Variants in OSBPL2 observed in about 807,000 individuals in gnomAD.
The protein encoded by OSBPL2 is oxysterol binding protein like 2.
Under a neutral mutation model 58.4 loss-of-function variants are expected in OSBPL2, and 18 were observed. That is an observed-to-expected ratio of 0.31 (90% CI 0.21 to 0.46). The LOEUF (loss-of-function observed/expected upper bound fraction) is 0.46. Among genes scored for constraint, OSBPL2 ranks in the 20% least tolerant of loss-of-function variants. The probability of loss-of-function intolerance (pLI) is 1.00; values close to 1 mark genes in which losing one functional copy is unlikely to be tolerated. For missense variants in OSBPL2, 461 were observed against 616.5 expected, an observed-to-expected ratio of 0.75 and a Z score of 2.67; for synonymous variants, 221 against 234.1, an observed-to-expected ratio of 0.94 and a Z score of 0.51.
chr20:62,266,452 C>A (rs1211127567), intron 4 of OSBPL2, among the ~76,000 whole-genome samples: 1 of 152,242 alleles, frequency 6.6e-6, no homozygotes. Context: ...GTGGTGAGCT[C>A]ATGTCCCCAT....
intron 13 of OSBPL2, 63 bp from the exon 14 acceptor site, chr20:62,293,722 A>G: frequency 6.7e-7 from 1 of 1,490,354 alleles, no homozygotes; most frequent in South Asian, 1.2e-5. Context: ...CTGCACCCAG[A>G]ACAGGGCTGC....
intron 12 of OSBPL2, 130 bp downstream of exon 12, chr20:62,289,460 C>G (rs867577733): frequency 1.8e-6 from 2 of 1,109,912 alleles, no homozygotes; most frequent in African/African-American, 1.6e-5. Context: ...TCTCCCTAAA[C>G]AAACAGGCAG....
chr20:62,266,708 A>G (rs537166231), intron 4 of OSBPL2, among the ~76,000 whole-genome samples: 1 of 152,332 alleles, frequency 6.6e-6, no homozygotes, highest in Non-Finnish European at 1.5e-5. Flanking sequence ...CAAATTCCAG[A>G]CATCTTTTGT....
At chr20:62,260,199 C>A in intron 3 of OSBPL2, 74 bp downstream of exon 3, 1 of 1,442,804 alleles carries the variant, frequency 6.9e-7, no homozygotes, top group South Asian at 1.3e-5. Context: ...GGGTACCCCT[C>A]AGCCCTCACG....
chr20:62,262,552 G>C (rs1981388415), intron 3 of OSBPL2, among the ~76,000 whole-genome samples: 1 of 152,232 alleles, frequency 6.6e-6, no homozygotes, highest in Non-Finnish European at 1.5e-5. Flanking sequence ...CTGGGTGCTG[G>C]CTTCCGGCAG....
rs762894162 is a variant in OSBPL2 at position 62,256,148 on chromosome 20, G to A, written c.-37G>A. 3.1e-5 allele frequency: 50 copies of A among 1,610,728 alleles called. No homozygotes were observed. Among genetic ancestry groups the A allele is most frequent in the Non-Finnish European group, 4.0e-5 (47 of 1,177,316 alleles). ...TCAGATACGATGATTCAGTAGAAGA[G>A]CACATGTCAGGGGCAGTGGAGGCTG... On this transcript the variant is annotated 5_prime_UTR_variant, in exon 2 of 14. Transcript: ENST00000313733.
intron 10 of OSBPL2, chr20:62,284,533 T>C (rs760001703): frequency 5.3e-5 from 11 of 209,068 alleles, no homozygotes; most frequent in Non-Finnish European, 1.1e-4. Context: ...TGTACCACCA[T>C]GCCTGACTAA....
At position 62,291,768 on chromosome 20, in the gene OSBPL2, A is replaced by G. The variant is rs1237547420; in HGVS notation, c.1315A>G (p.Lys439Glu). 2 of 1,609,288 alleles carry G rather than the reference A, an allele frequency of 1.2e-6. No homozygotes were observed. The highest frequency in any genetic ancestry group is 2.7e-5 in the African/African-American group (2 of 73,464). ...GAGAGAAGCACGGAGGGAGCGGGCC[A>G]AGGAGGAGGCAGAGTGGCAGACGAG... is the stretch of plus-strand genomic sequence containing the variant. ...KQREARRERA[K>E]EEAEWQTRWF... Residue 439 changes from lysine to glutamate, a missense_variant, in exon 13 of 14, where the codon AAG becomes GAG. Physicochemically the swap from Lys to Glu is moderately conservative, Grantham distance 56 (BLOSUM62 1). Around this residue, in one of 5 missense-constraint regions of OSBPL2, gnomAD observed 319 missense variants for 419.2 expected, o/e 0.76. Coordinates refer to ENST00000313733, the MANE Select transcript of OSBPL2 (RefSeq NM_144498.4).
Position 62,249,154 on chromosome 20 carries a change from G to A in OSBPL2, c.-128-6903G>A, listed in dbSNP as rs530207267. 2.0e-4 allele frequency among the ~76,000 whole-genome samples: 30 copies of A among 152,282 alleles called. No individual in the cohort carries two copies. In the South Asian group the frequency reaches 5.8e-3, roughly 29 times the overall value. On this transcript the variant is annotated intron_variant, in intron 1 of 13. Transcript: ENST00000313733. ...AGGGACTGGTGAGTTCCCTGGGCTA[G>A]GGGAACTGAGACTCACTGGGGCCTG...
chr20:62,265,753 G>C (rs1383423057), intron 4 of OSBPL2, among the ~76,000 whole-genome samples: 1 of 152,024 alleles, frequency 6.6e-6, no homozygotes, highest in Non-Finnish European at 1.5e-5. Flanking sequence ...GATAATTCAG[G>C]TCTTGACAAA....
At chr20:62,279,088 A>G in intron 6 of OSBPL2, 69 bp from the exon 7 acceptor site, 2 of 1,348,252 alleles carry the variant, frequency 1.5e-6, no homozygotes, top group South Asian at 2.7e-5. Context: ...GCTCCACATG[A>G]TGTCTGAGCT....
chr20:62,266,586 G>A (rs929522895), intron 4 of OSBPL2, among the ~76,000 whole-genome samples: 3 of 151,700 alleles, frequency 2.0e-5, no homozygotes, highest in African/African-American at 7.3e-5. Flanking sequence ...GCTGTGGCTC[G>A]TTCTGGATCC....
intron 7 of OSBPL2, chr20:62,279,645 G>A (rs1601190495): frequency 2.3e-6 from 1 of 441,120 alleles, no homozygotes; most frequent in East Asian, 4.3e-5. Context: ...CCGCTTTCCG[G>A]CATCATTCAT....
chr20:62,267,761 C>T (rs1324995196), intron 4 of OSBPL2, among the ~76,000 whole-genome samples: 1 of 152,218 alleles, frequency 6.6e-6, no homozygotes, highest in Non-Finnish European at 1.5e-5. Context: ...CACTTTGCCC[C>T]ACATACCTGT....
At chr20:62,274,940 C>G (rs900271080) in intron 6 of OSBPL2, among the ~76,000 whole-genome samples, 1 of 152,152 alleles carries the variant, frequency 6.6e-6, no homozygotes, top group Non-Finnish European at 1.5e-5. Context: ...AGTTGAGATT[C>G]TGTTGGGTTA....
intron 10 of OSBPL2, 84 bp from the exon 11 acceptor site, chr20:62,286,499 T>C: frequency 1.3e-6 from 2 of 1,489,430 alleles, no homozygotes; most frequent in Non-Finnish European, 1.8e-6. Context: ...GTGACTGGTC[T>C]GAAAGGCGCT....
At chr20:62,262,726 G>A (rs998797101) in intron 3 of OSBPL2, among the ~76,000 whole-genome samples, 19 of 152,320 alleles carry the variant, frequency 1.2e-4, no homozygotes, top group Middle Eastern at 3.4e-3. Context: ...ACAAGAGCTC[G>A]TGCTTTCATC....
intron 9 of OSBPL2, chr20:62,282,145 G>A (rs749044056): frequency 5.0e-4 from 146 of 290,636 alleles, no homozygotes; most frequent in Non-Finnish European, 6.9e-4. Flanking sequence ...AAATTGTCTT[G>A]AGAAGTCAGC....
chr20:62,290,411 G>GTTTTTTTTTTTTTTTTTT (rs3065795), intron 12 of OSBPL2, among the ~76,000 whole-genome samples: 2 of 76,376 alleles, frequency 2.6e-5, no homozygotes, highest in Non-Finnish European at 4.6e-5. Flanking sequence ...AATTTTTTGG[G>GTTTTTTTTTTTTTTTTTT]TTTTTTTTTT....
Sources: allele counts gnomAD v4.1 joint callset (sites outside exome capture counted in the v4.1 genomes callset), GRCh38; gene constraint gnomAD v4.1.1; regional missense constraint gnomAD v4.1.1; transcripts MANE v1.5; gene names NCBI Gene and HGNC (gene_info 2026-07-23, HGNC 2026-07-21).